ARSG: variants seen among roughly 807,000 people sequenced by gnomAD.
ARSG encodes ASG.
In ARSG, 37 loss-of-function variants were observed where a neutral mutation model predicts 50.5. The ratio of observed to expected loss-of-function variants is 0.73; its 90% confidence interval spans 0.56 to 0.96. The LOEUF (loss-of-function observed/expected upper bound fraction) is 0.96, where lower values mean the gene tolerates loss of function less well. Among genes scored for constraint, ARSG ranks in the 50% least tolerant of loss-of-function variants. The probability of loss-of-function intolerance (pLI) is 0.00; values close to 1 mark genes in which losing one functional copy is unlikely to be tolerated. For synonymous variants in ARSG, 225 were observed against 254.6 expected, an observed-to-expected ratio of 0.88 and a Z score of 1.11; for missense variants, 629 against 675.3, an observed-to-expected ratio of 0.93 and a Z score of 0.76.
the ARSG span, among the ~76,000 whole-genome samples, chr17:68,439,091 AAACAT>A: frequency 6.6e-6 from 1 of 152,202 alleles, no homozygotes; most frequent in Non-Finnish European, 1.5e-5. Flanking sequence ...TTCAAAAGCT[AAACAT>A]AAAGTTCTCA....
downstream of ARSG, chr17:68,426,252 G>GGGGC: frequency 1.2e-6 from 1 of 828,188 alleles, no homozygotes; most frequent in Non-Finnish European, 1.9e-6. Flanking sequence ...TGGGGAGCGG[G>GGGGC]GGCTCAAATA....
intron 1 of ARSG, among the ~76,000 whole-genome samples, chr17:68,281,738 G>A (rs1443501353): frequency 6.6e-6 from 1 of 152,116 alleles, no homozygotes; most frequent in Non-Finnish European, 1.5e-5. Context: ...CATTTGGGAT[G>A]GCTATGATCA....
At chr17:68,364,822 C>T (rs1288502014) in intron 6 of ARSG, among the ~76,000 whole-genome samples, 1 of 152,158 alleles carries the variant, frequency 6.6e-6, no homozygotes, top group Non-Finnish European at 1.5e-5. Flanking sequence ...GGTGTCCCCC[C>T]ACTCTATTTT....
At chr17:68,386,987 A>G (rs2080758100) in intron 9 of ARSG, among the ~76,000 whole-genome samples, 1 of 151,738 alleles carries the variant, frequency 6.6e-6, no homozygotes, top group South Asian at 2.1e-4. Context: ...TAGGAGATAC[A>G]TTAGGTTGGT....
intron 4 of ARSG, among the ~76,000 whole-genome samples, chr17:68,348,112 C>T (rs572398954): frequency 2.6e-5 from 4 of 152,228 alleles, no homozygotes; most frequent in African/African-American, 4.8e-5. Context: ...CTTTGATGCT[C>T]ATTCCTCTCC....
chr17:68,427,926 G>A, the ARSG span, among the ~76,000 whole-genome samples: 1 of 151,984 alleles, frequency 6.6e-6, no homozygotes, highest in South Asian at 2.1e-4. Context: ...GTCTCACTCT[G>A]TTGCCCAGGC....
At chr17:68,379,735 G>T in intron 8 of ARSG, 1 of 768,914 alleles carries the variant, frequency 1.3e-6, no homozygotes, top group African/African-American at 1.9e-5. Flanking sequence ...AATTCAATAT[G>T]CTGGAGAGAG....
chr17:68,281,946 T>C (rs551654629), intron 1 of ARSG, among the ~76,000 whole-genome samples: 1 of 152,304 alleles, frequency 6.6e-6, no homozygotes, highest in Admixed American at 6.5e-5. Flanking sequence ...AGTGTGGCAA[T>C]TCCTCAAGGA....
intron 6 of ARSG, among the ~76,000 whole-genome samples, chr17:68,359,266 G>A (rs563550031): frequency 1.2e-4 from 19 of 152,110 alleles, no homozygotes; most frequent in South Asian, 2.1e-4. Flanking sequence ...AATCATATAC[G>A]TGTGAGGTGT....
In ARSG at chr17:68,269,309, G is replaced by C. The variant is rs781885385; in HGVS notation, c.-552+9883G>C. 1.4e-5 allele frequency: 17 copies of C among 1,255,716 alleles called. No homozygotes were observed. The South Asian group carries it at 2.0e-4, about 15-fold the overall frequency. The allele number at this position is 1,255,716 out of a possible 1,614,324, so 77.8% of individuals were successfully genotyped here. A position where few individuals can be genotyped will look rare whatever the true frequency, so the allele number is the denominator to read the frequency against. On this transcript the variant is annotated intron_variant, in intron 1 of 11. Coordinates refer to the ARSG transcript ENST00000448504. ...CCATGCCAGCTGCGCAGGAGTAGAA[G>C]GCCCTGCTGTAGATCTTACTTTGGT...
At chr17:68,428,847 A>G in the ARSG span, 1 of 1,613,912 alleles carries the variant, frequency 6.2e-7, no homozygotes, top group Non-Finnish European at 8.5e-7. Context: ...TTTGATTAAG[A>G]CACACTCTCC....
intron 2 of ARSG, among the ~76,000 whole-genome samples, chr17:68,330,584 G>A (rs1215401530): frequency 6.6e-6 from 1 of 152,198 alleles, no homozygotes; most frequent in Non-Finnish European, 1.5e-5. Context: ...TGAGTGACAG[G>A]GTGGGGGGTG....
chr17:68,287,483 T>C (rs868996015), upstream of ARSG, among the ~76,000 whole-genome samples: 1 of 152,196 alleles, frequency 6.6e-6, no homozygotes, highest in African/African-American at 2.4e-5. Flanking sequence ...TTCATTTCTA[T>C]TTCCTTTCTG....
intron 8 of ARSG, among the ~76,000 whole-genome samples, chr17:68,383,270 G>T (rs759270533): frequency 2.0e-4 from 30 of 152,080 alleles, no homozygotes; most frequent in Admixed American, 4.6e-4. Context: ...TCCCTAATTG[G>T]TGAAGACCAA....
intron 2 of ARSG, among the ~76,000 whole-genome samples, chr17:68,312,370 TCATC>T (rs2076896125): frequency 6.6e-6 from 1 of 152,164 alleles, no homozygotes; most frequent in Admixed American, 6.5e-5. Flanking sequence ...GGGAGAGAGT[TCATC>T]CATTCATGAA....
downstream of ARSG, chr17:68,426,250 G>GGGT: frequency 2.4e-6 from 2 of 828,058 alleles, no homozygotes; most frequent in Admixed American, 2.3e-5. Context: ...GGTGGGGAGC[G>GGGT]GGGGCTCAAA....
chr17:68,301,318 C>T lies in ARSG; in HGVS notation c.-551-5625C>T, dbSNP rs188446986. On this transcript the variant is annotated intron_variant, in intron 1 of 11. Coordinates refer to ENST00000621439, the MANE Select transcript of ARSG (RefSeq NM_001267727.2). The stretch of plus-strand genomic sequence containing the variant: ...GGTCTATGGGCAAAAGCCTGGGACA[C>T]AAGGATGTTTATTACATGTAGATAA... 1.5e-3 allele frequency among the ~76,000 whole-genome samples: 233 copies of T among 152,266 alleles called. 1 individual carries two copies. The highest frequency in any genetic ancestry group is 5.3e-3 in the African/African-American group (219 of 41,536).
chr17:68,298,614 AAAGAG>A (rs1407413686), intron 1 of ARSG, among the ~76,000 whole-genome samples: 1 of 147,000 alleles, frequency 6.8e-6, no homozygotes, highest in African/African-American at 2.7e-5. Context: ...AAAAAAAAAA[AAAGAG>A]AAGAACACTA....
intron 11 of ARSG, among the ~76,000 whole-genome samples, chr17:68,417,203 C>T (rs1664302414): frequency 6.6e-6 from 1 of 152,172 alleles, no homozygotes; most frequent in Non-Finnish European, 1.5e-5. Flanking sequence ...TTAGGTGGAA[C>T]AGCTAGAGTG....
Sources: gnomAD v4.1 joint callset for allele counts (sites outside exome capture counted in the v4.1 genomes callset) on GRCh38, gnomAD v4.1.1 for gene constraint, MANE v1.5 for transcripts, NCBI Gene and HGNC (gene_info 2026-07-23, HGNC 2026-07-21) for gene names.